The following GALNT13 variants were observed in gnomAD, a reference collection of about 807,000 sequenced individuals.
GALNT13 encodes the protein UDP-GalNAc:polypeptide N-acetylgalactosaminyltransferase 13.
A neutral mutation model predicts 64.2 loss-of-function variants in GALNT13; 28 were observed. The observed-to-expected ratio is 0.44, with a 90% CI of 0.32 to 0.60. The LOEUF is 0.60. Among genes scored for constraint, GALNT13 ranks in the 20% least tolerant of loss-of-function variants. The probability of loss-of-function intolerance (pLI) is 0.05; values close to 1 mark genes in which losing one functional copy is unlikely to be tolerated. For missense variants in GALNT13, 577 were observed against 669.8 expected, an observed-to-expected ratio of 0.86 and a Z score of 1.53; for synonymous variants, 214 against 224.6, an observed-to-expected ratio of 0.95 and a Z score of 0.42.
chr2:153,181,030 C>CTTTTTGTTTTTTTTTTTTTTTT, the GALNT13 span, among the ~76,000 whole-genome samples: 1 of 32,100 alleles, frequency 3.1e-5, no homozygotes, highest in Non-Finnish European at 5.5e-5. Flanking sequence ...TTTATTGTTT[C>CTTTTTGTTTTTTTTTTTTTTTT]TTTTTTTTTT....
At chr2:153,078,587 G>A in the GALNT13 span, among the ~76,000 whole-genome samples, 29 of 151,802 alleles carry the variant, frequency 1.9e-4, no homozygotes, top group East Asian at 9.7e-4. Context: ...CTGGGATTAC[G>A]GGCATGAGCC....
chr2:154,353,157 A>G (rs1430067315), intron 9 of GALNT13, among the ~76,000 whole-genome samples: 4 of 152,200 alleles, frequency 2.6e-5, no homozygotes, highest in Non-Finnish European at 2.9e-5. Context: ...TATCATCTAT[A>G]TAATGGATAT....
chr2:153,610,390 T>C, the GALNT13 span, among the ~76,000 whole-genome samples: 1 of 152,104 alleles, frequency 6.6e-6, no homozygotes, highest in Admixed American at 6.6e-5. Flanking sequence ...AATAAACAGA[T>C]TGGGCCGGGC....
At chr2:153,478,058 G>C in the GALNT13 span, 1 of 606,628 alleles carries the variant, frequency 1.6e-6, no homozygotes. Flanking sequence ...CGACTGCCAG[G>C]CATGAGGACT....
chr2:154,087,207 A>C (rs181210341), intron 3 of GALNT13, among the ~76,000 whole-genome samples: 70 of 152,096 alleles, frequency 4.6e-4, no homozygotes, highest in Non-Finnish European at 3.2e-4. Flanking sequence ...GAAAAAAAAA[A>C]GATCAGACTC....
At chr2:154,124,978 G>A (rs1195274748) in intron 3 of GALNT13, among the ~76,000 whole-genome samples, 4 of 152,054 alleles carry the variant, frequency 2.6e-5, no homozygotes, top group African/African-American at 9.7e-5. Context: ...AAACTCTGAG[G>A]GTAGGCTGCC....
chr2:154,387,847 A>G lies in GALNT13; in HGVS notation c.1157-8144A>G, dbSNP rs148478557. Among the ~76,000 whole-genome samples the G allele has an allele frequency of 4.2e-3, 639 of 152,264 alleles. 6 individuals are homozygous for G. The highest frequency in any genetic ancestry group is 0.015 in the African/African-American group (620 of 41,572). On this transcript the variant is annotated intron_variant, in intron 9 of 12. Coordinates refer to ENST00000392825, the MANE Select transcript of GALNT13 (RefSeq NM_052917.4). ...GTTGATATACATTTAGGTTGATCCC[A>G]TTTCTTGGCTATTGTGAATAATGCT...
intron 3 of GALNT13, among the ~76,000 whole-genome samples, chr2:154,022,354 G>T (rs1056082682): frequency 9.2e-5 from 14 of 152,244 alleles, no homozygotes; most frequent in African/African-American, 3.4e-4. Flanking sequence ...TGGTTGGTAA[G>T]CTATTGATTA....
chr2:153,277,171 A>C, the GALNT13 span, among the ~76,000 whole-genome samples: 1 of 152,134 alleles, frequency 6.6e-6, no homozygotes, highest in Non-Finnish European at 1.5e-5. Context: ...TGAGCATAGT[A>C]CCCCATAGGC....
chr2:153,119,229 A>C, the GALNT13 span, among the ~76,000 whole-genome samples: 1 of 151,752 alleles, frequency 6.6e-6, no homozygotes. Context: ...GAATGAACTA[A>C]TACATAAGTG....
At chr2:153,769,277 A>G in the GALNT13 span, among the ~76,000 whole-genome samples, 1 of 152,182 alleles carries the variant, frequency 6.6e-6, no homozygotes, top group Admixed American at 6.5e-5. Context: ...CCAGTCAAGT[A>G]GTGACAAATT....
chr2:154,235,072 A>G (rs1689121904), intron 4 of GALNT13, among the ~76,000 whole-genome samples: 1 of 152,178 alleles, frequency 6.6e-6, no homozygotes, highest in African/African-American at 2.4e-5. Flanking sequence ...TTCCTACGAC[A>G]TATTTCCAAT....
the GALNT13 span, among the ~76,000 whole-genome samples, chr2:153,254,262 A>C: frequency 6.6e-6 from 1 of 151,942 alleles, no homozygotes; most frequent in East Asian, 1.9e-4. Context: ...GCGTAGAGGT[A>C]TTTGTAGTAT....
the GALNT13 span, among the ~76,000 whole-genome samples, chr2:153,093,344 T>C: frequency 2.7e-5 from 4 of 149,858 alleles, no homozygotes; most frequent in Admixed American, 6.8e-5. Flanking sequence ...GTTCAAGCAA[T>C]TCTCCTACCT....
chr2:153,870,253 A>G (rs1685838960), upstream of GALNT13, among the ~76,000 whole-genome samples: 1 of 152,202 alleles, frequency 6.6e-6, no homozygotes, highest in Non-Finnish European at 1.5e-5. Context: ...TTACCCAAAT[A>G]AATTTTACCA....
At chr2:153,343,811 A>G in the GALNT13 span, among the ~76,000 whole-genome samples, 1 of 152,098 alleles carries the variant, frequency 6.6e-6, no homozygotes, top group Non-Finnish European at 1.5e-5. Context: ...TAAGATTTCT[A>G]AGTGAAATCT....
At chr2:154,202,564 C>T (rs775115994) in intron 4 of GALNT13, among the ~76,000 whole-genome samples, 15 of 152,002 alleles carry the variant, frequency 9.9e-5, no homozygotes, top group Non-Finnish European at 1.8e-4. Flanking sequence ...CATTAGAAGG[C>T]TGGAGAAAAT....
At chr2:154,429,406 TAGA>T (rs1001608527) in intron 11 of GALNT13, among the ~76,000 whole-genome samples, 1 of 152,180 alleles carries the variant, frequency 6.6e-6, no homozygotes, top group African/African-American at 2.4e-5. Context: ...GTGGTTTGAA[TAGA>T]AGATCAAACA....
chr2:153,171,744 T>C, the GALNT13 span, among the ~76,000 whole-genome samples: 5 of 152,300 alleles, frequency 3.3e-5, no homozygotes, highest in South Asian at 8.3e-4. Flanking sequence ...GAGCACTAAA[T>C]ATAAAAACCT....
Sources: allele counts gnomAD v4.1 joint callset (sites outside exome capture counted in the v4.1 genomes callset), GRCh38; gene constraint gnomAD v4.1.1; transcripts MANE v1.5; gene names NCBI Gene and HGNC (gene_info 2026-07-23, HGNC 2026-07-21).